UNC5D: variants seen among roughly 807,000 people sequenced by gnomAD.
UNC5D encodes the protein unc-5 netrin receptor D, also known as netrin receptor UNC5D.
Under a neutral mutation model 105.4 loss-of-function variants are expected in UNC5D, and 39 were observed. The ratio of observed to expected loss-of-function variants is 0.37; its 90% CI spans 0.29 to 0.48. The LOEUF is 0.48. Among genes scored for constraint, UNC5D ranks in the 20% least tolerant of loss-of-function variants. The probability of loss-of-function intolerance (pLI) is 0.98; values close to 1 mark genes in which losing one functional copy is unlikely to be tolerated. For synonymous variants in UNC5D, 452 were observed against 450.4 expected (o/e 1.00, Z -0.04); for missense variants, 991 against 1,202.4 (o/e 0.82, Z 2.60).
intron 1 of UNC5D, among the ~76,000 whole-genome samples, chr8:35,426,306 C>T (rs1290143291): frequency 1.3e-5 from 2 of 152,038 alleles, no homozygotes; most frequent in African/African-American, 4.8e-5. Flanking sequence ...TAGACTATTC[C>T]TTAAATATAC....
At chr8:35,517,339 T>G (rs1405857345) in intron 1 of UNC5D, among the ~76,000 whole-genome samples, 1 of 152,206 alleles carries the variant, frequency 6.6e-6, no homozygotes, top group Non-Finnish European at 1.5e-5. Context: ...TTATCCTTGC[T>G]GGTGGGATGG....
intron 1 of UNC5D, among the ~76,000 whole-genome samples, chr8:35,448,612 A>G (rs889696610): frequency 1.3e-5 from 2 of 152,000 alleles, no homozygotes; most frequent in African/African-American, 4.8e-5. Context: ...AAACCCTCAT[A>G]TTTCTTTTTA....
intron 10 of UNC5D, among the ~76,000 whole-genome samples, chr8:35,729,437 A>G (rs1829071322): frequency 6.6e-6 from 1 of 152,174 alleles, no homozygotes; most frequent in Non-Finnish European, 1.5e-5. Flanking sequence ...TTGATTTAAT[A>G]TTATTATTGT....
intron 1 of UNC5D, among the ~76,000 whole-genome samples, chr8:35,259,887 A>G (rs572345869): frequency 6.6e-6 from 1 of 152,188 alleles, no homozygotes; most frequent in South Asian, 2.1e-4. Flanking sequence ...TGGAAAGTGA[A>G]ACTGTTCCGC....
chr8:35,457,778 G>A (rs1808592838), intron 1 of UNC5D, among the ~76,000 whole-genome samples: 1 of 152,132 alleles, frequency 6.6e-6, no homozygotes, highest in South Asian at 2.1e-4. Flanking sequence ...GGAAGCATCT[G>A]CTCGAGGACA....
intron 13 of UNC5D, among the ~76,000 whole-genome samples, chr8:35,757,760 C>T (rs1035165598): frequency 7.9e-5 from 12 of 152,226 alleles, no homozygotes; most frequent in Non-Finnish European, 1.6e-4. Context: ...CAGCCAAGTA[C>T]GCATTTAGAA....
At chr8:35,672,741 A>G (rs1277627787) in intron 4 of UNC5D, among the ~76,000 whole-genome samples, 3 of 152,150 alleles carry the variant, frequency 2.0e-5, no homozygotes, top group African/African-American at 7.2e-5. Context: ...TACATTAAAC[A>G]TGTTTCATTC....
At chr8:35,267,592 C>T (rs1299021501) in intron 1 of UNC5D, among the ~76,000 whole-genome samples, 1 of 152,126 alleles carries the variant, frequency 6.6e-6, no homozygotes, top group African/African-American at 2.4e-5. Flanking sequence ...GCACCCACCA[C>T]CATGCCCAGC....
At chr8:35,549,764 A>C (rs571578613) in intron 2 of UNC5D, among the ~76,000 whole-genome samples, 1 of 152,262 alleles carries the variant, frequency 6.6e-6, no homozygotes, top group East Asian at 1.9e-4. Flanking sequence ...TTTGTATGAA[A>C]ATTAATATTA....
At chr8:35,614,922 C>A (rs1820920300) in intron 4 of UNC5D, among the ~76,000 whole-genome samples, 1 of 151,778 alleles carries the variant, frequency 6.6e-6, no homozygotes, top group Non-Finnish European at 1.5e-5. Context: ...TAGAATTACA[C>A]TTTTCAGCTG....
chr8:35,727,809 A>G (rs559389048), intron 10 of UNC5D: 1 of 152,250 alleles, frequency 6.6e-6, no homozygotes, highest in African/African-American at 2.4e-5. Flanking sequence ...TCCAGTTGAT[A>G]ATTGGAAGAT....
At chr8:35,708,803 A>G (rs779106562) in intron 8 of UNC5D, among the ~76,000 whole-genome samples, 1 of 152,172 alleles carries the variant, frequency 6.6e-6, no homozygotes, top group Non-Finnish European at 1.5e-5. Flanking sequence ...AACTCAGTTA[A>G]TAGTTCTAGA....
At chr8:35,507,793 T>C (rs1302977393) in intron 1 of UNC5D, among the ~76,000 whole-genome samples, 1 of 152,192 alleles carries the variant, frequency 6.6e-6, no homozygotes, top group Non-Finnish European at 1.5e-5. Flanking sequence ...GGATAAATGC[T>C]TGAGGGGATG....
intron 1 of UNC5D, among the ~76,000 whole-genome samples, chr8:35,547,736 C>A (rs1300493666): frequency 1.3e-5 from 2 of 152,204 alleles, no homozygotes; most frequent in Non-Finnish European, 2.9e-5. Flanking sequence ...GGTCAGGTCA[C>A]AAGATGCAGC....
intron 1 of UNC5D, among the ~76,000 whole-genome samples, chr8:35,246,624 A>G (rs1305857128): frequency 9.2e-5 from 14 of 151,968 alleles, no homozygotes; most frequent in Admixed American, 9.2e-4. Flanking sequence ...TTCATGTTAA[A>G]CTTGCAGATC....
intron 1 of UNC5D, among the ~76,000 whole-genome samples, chr8:35,528,040 T>G (rs76284538): frequency 9.7e-5 from 5 of 51,594 alleles, no homozygotes; most frequent in Non-Finnish European, 1.7e-4. Context: ...AAACAGCTGG[T>G]TTTTTTTTTT....
intron 1 of UNC5D, among the ~76,000 whole-genome samples, chr8:35,398,699 T>A (rs1366252437): frequency 1.3e-5 from 2 of 152,090 alleles, no homozygotes; most frequent in Non-Finnish European, 2.9e-5. Context: ...AAAAATGTAG[T>A]GGTGGACTGT....
chr8:35,281,487 T>G (rs1806158543), intron 1 of UNC5D, among the ~76,000 whole-genome samples: 1 of 151,690 alleles, frequency 6.6e-6, no homozygotes, highest in African/African-American at 2.4e-5. Context: ...TCGCCCAGGC[T>G]GGAGTGCAGT....
At chr8:35,534,034 A>C (rs572311400) in intron 1 of UNC5D, among the ~76,000 whole-genome samples, 3 of 151,954 alleles carry the variant, frequency 2.0e-5, no homozygotes, top group Non-Finnish European at 4.4e-5. Context: ...GGAACTGTAG[A>C]CCGGAGCTGT....
Sources: gnomAD v4.1 joint callset for allele counts (sites outside exome capture counted in the v4.1 genomes callset) on GRCh38, gnomAD v4.1.1 for gene constraint, MANE v1.5 for transcripts, NCBI Gene and HGNC (gene_info 2026-07-23, HGNC 2026-07-21) for gene names.